GEMIN7: variants seen among roughly 807,000 people sequenced by gnomAD.
GEMIN7 encodes gem-associated protein 7.
GEMIN7 carries 7 observed loss-of-function variants against 7.8 expected under a neutral mutation model. The observed-to-expected ratio is 0.90, with a 90% CI of 0.51 to 1.69. The LOEUF is 1.69. Among genes scored for constraint, GEMIN7 ranks in the 40% most tolerant of loss-of-function variants. The pLI is 0.00. For missense variants in GEMIN7, 159 were observed against 176.2 expected (o/e 0.90, Z 0.55); for synonymous variants, 68 against 72.4 (o/e 0.94, Z 0.31).
chr19:45,082,891 G>A (rs1321703614), intron 2 of GEMIN7, among the ~76,000 whole-genome samples: 1 of 151,548 alleles, frequency 6.6e-6, no homozygotes, highest in Non-Finnish European at 1.5e-5. Context: ...AAGGTGCTGG[G>A]ATTATAGTTG....
At chr19:45,079,020 TCA>T (rs2122645652), upstream of GEMIN7, among the ~76,000 whole-genome samples, 1 of 152,250 alleles carries the variant, frequency 6.6e-6, no homozygotes, top group South Asian at 2.1e-4. Flanking sequence ...TCTCTGAACC[TCA>T]GTTTCTTCCT....
rs771267356 is a variant in GEMIN7, at chr19:45,090,420, C to G, written c.306C>G (p.Phe102Leu). Residue 102 changes from phenylalanine (F) to leucine (L), a missense_variant, in exon 3 of 3, where the codon TTC becomes TTG. By Grantham distance (22) the Phe-to-Leu change is conservative. Coordinates refer to ENST00000270257, the MANE Select transcript of GEMIN7 (RefSeq NM_024707.3). ...FGATDLDVANFYVSQLQTPIG... is the reference protein window; with the variant it reads ...FGATDLDVANLYVSQLQTPIG... ...CCACCGACCTGGATGTGGCCAACTTCTACGTGTCACAGCTGCAGACTCCCA... is the reference window on the plus strand; with the variant it reads ...CCACCGACCTGGATGTGGCCAACTTGTACGTGTCACAGCTGCAGACTCCCA... The G allele has an allele frequency of 6.2e-7, 1 of 1,614,150 alleles. No individual in the cohort carries two copies. The highest frequency in any genetic ancestry group is 2.2e-5 in the East Asian group (1 of 44,890).
chr19:45,076,046 G>A, upstream of GEMIN7: 8 of 1,575,334 alleles, frequency 5.1e-6, no homozygotes, highest in Non-Finnish European at 6.9e-6. This position sits in a 1 kb window ranked among gnomAD's most constrained non-coding sequence, Gnocchi z 4.9. Context: ...AAAGGTAAGG[G>A]AGGCTGGGCC....
At chr19:45,089,755 G>A (rs936431623) in intron 2 of GEMIN7, among the ~76,000 whole-genome samples, 1 of 152,164 alleles carries the variant, frequency 6.6e-6, no homozygotes, top group Non-Finnish European at 1.5e-5. Flanking sequence ...CAGCTTCAAA[G>A]TGATCCTCCT....
At position 45,090,540 on chromosome 19, in the gene GEMIN7, C is replaced by T; in HGVS notation, c.*30C>T. On this transcript the variant is annotated 3_prime_UTR_variant, in exon 3 of 3. Transcript: ENST00000270257. Reference sequence around the variant, plus strand: ...ATTGTGTTCACTTTTCTGCTTGAGGCTAAGGCACTGTATCCCAGGCCTCCC... The same window carrying T: ...ATTGTGTTCACTTTTCTGCTTGAGGTTAAGGCACTGTATCCCAGGCCTCCC... The T allele has an allele frequency of 4.4e-6, 7 of 1,577,336 alleles. No homozygotes were observed. In the South Asian group the frequency reaches 5.8e-5, roughly 13 times the overall value.
At chr19:45,082,251 C>A (rs888174276) in intron 2 of GEMIN7, among the ~76,000 whole-genome samples, 3 of 152,198 alleles carry the variant, frequency 2.0e-5, no homozygotes, top group Admixed American at 6.6e-5. Flanking sequence ...CCAAAGCCAC[C>A]CTTTCCATGA....
Position 45,089,169 on chromosome 19 carries a change from T to C in GEMIN7, c.-8-938T>C, listed in dbSNP as rs906085916. On this transcript the variant is annotated intron_variant, in intron 2 of 2. Transcript: ENST00000270257. Reference sequence around the variant, plus strand: ...GTTGACCAGGCTGGTCTCGAATTCCTGACCTCAAGTGATTCGCCCACCTTG... The same window carrying C: ...GTTGACCAGGCTGGTCTCGAATTCCCGACCTCAAGTGATTCGCCCACCTTG... Among the ~76,000 whole-genome samples the C allele has an allele frequency of 2.6e-5, 4 of 152,212 alleles. No individual in the cohort carries two copies. In the South Asian group the frequency reaches 8.3e-4, roughly 32 times the overall value.
chr19:45,079,165 C>G (rs1967416168), upstream of GEMIN7: 1 of 152,286 alleles, frequency 6.6e-6, no homozygotes, highest in Non-Finnish European at 1.5e-5. Flanking sequence ...CCCGCGACCA[C>G]GTGGGGCAGT....
upstream of GEMIN7, among the ~76,000 whole-genome samples, chr19:45,077,701 C>T (rs570667028): frequency 5.3e-5 from 8 of 152,138 alleles, no homozygotes; most frequent in South Asian, 1.2e-3. Context: ...CTAAAGTAGC[C>T]CCACCCTGCT....
chr19:45,084,609 T>C (rs1448245542), intron 2 of GEMIN7, among the ~76,000 whole-genome samples: 1 of 151,884 alleles, frequency 6.6e-6, no homozygotes, highest in Non-Finnish European at 1.5e-5. Context: ...GGAGTCCCAG[T>C]CTGTCACCCA....
At chr19:45,086,817 G>A (rs1033468234) in intron 2 of GEMIN7, among the ~76,000 whole-genome samples, 2 of 151,846 alleles carry the variant, frequency 1.3e-5, no homozygotes, top group Non-Finnish European at 2.9e-5. Flanking sequence ...AAACCGGCCT[G>A]GGATCTCCAC....
At chr19:45,077,711 T>A (rs533209968), upstream of GEMIN7, among the ~76,000 whole-genome samples, 1 of 152,270 alleles carries the variant, frequency 6.6e-6, no homozygotes, top group South Asian at 2.1e-4. Context: ...CCCACCCTGC[T>A]GAAGGCCTTG....
upstream of GEMIN7, chr19:45,076,388 G>A (rs1261542376): frequency 3.1e-6 from 4 of 1,270,166 alleles, no homozygotes; most frequent in African/African-American, 4.6e-5. The surrounding 1 kb of genome is among the most constrained non-coding windows in gnomAD (Gnocchi z 4.9). Flanking sequence ...CGCGGGCCGG[G>A]CGAGCGAGCG....
Position 45,080,766 on chromosome 19 carries a change from T to TTG in GEMIN7, c.-9+738_-9+739insGT, listed in dbSNP as rs1491452197. Among the ~76,000 whole-genome samples, 36 of 110,746 alleles carry TTG rather than the reference T, an allele frequency of 3.3e-4. 1 individual carries two copies. The highest frequency in any genetic ancestry group is 2.0e-5 in the Non-Finnish European group (1 of 48,962). 72.7% of individuals were successfully genotyped at this position (110,746 alleles called of 152,430 possible). A position where few individuals can be genotyped will look rare whatever the true frequency, so the allele number is the denominator to read the frequency against. ...ATGACCAAATCTCCCTTGTTTTTTG[T>TTG]TTTTTTTTTTTTTTTTCCTGATGGA... On this transcript the variant is annotated intron_variant, in intron 2 of 2. Coordinates refer to ENST00000270257, the MANE Select transcript of GEMIN7 (RefSeq NM_024707.3).
At position 45,090,755 on chromosome 19, in the gene GEMIN7, A is replaced by G. The variant is rs1967870408; in HGVS notation, c.*245A>G. 1 of 484,328 alleles carries G rather than the reference A, an allele frequency of 2.1e-6. No individual in the cohort carries two copies. Among genetic ancestry groups the G allele is most frequent in the African/African-American group, 1.9e-5 (1 of 51,734 alleles). 30.0% of individuals were successfully genotyped at this position (484,328 alleles called of 1,614,324 possible). On this transcript the variant is annotated 3_prime_UTR_variant, in exon 3 of 3. Transcript: ENST00000270257. ...TCACAGAACTCTGAACCCTACAGAA[A>G]TATGGGCCTGCTGCCATTTCCTGAA...
chr19:45,076,945 A>G (rs1464367565), upstream of GEMIN7: 2 of 152,258 alleles, frequency 1.3e-5, no homozygotes, highest in Non-Finnish European at 2.9e-5. The surrounding 1 kb of genome is among the most constrained non-coding windows in gnomAD (Gnocchi z 4.9). Context: ...GTGGGGGAAG[A>G]CACTATAAAC....
chr19:45,080,686 A>G (rs572149619), intron 2 of GEMIN7, among the ~76,000 whole-genome samples: 1 of 151,768 alleles, frequency 6.6e-6, no homozygotes, highest in African/African-American at 2.4e-5. Flanking sequence ...GCCCGAGGAA[A>G]GATTTGACCT....
chr19:45,082,554 T>C (rs896424658), intron 2 of GEMIN7, among the ~76,000 whole-genome samples: 3 of 152,082 alleles, frequency 2.0e-5, no homozygotes, highest in Non-Finnish European at 4.4e-5. Flanking sequence ...GACCGCCCAA[T>C]GTGGGTCATG....
At chr19:45,086,705 T>C (rs891508184) in intron 2 of GEMIN7, among the ~76,000 whole-genome samples, 1 of 152,190 alleles carries the variant, frequency 6.6e-6, no homozygotes, top group Admixed American at 6.5e-5. Context: ...AGGCCCTGTC[T>C]GGCAGGAGCC....
Sources: allele counts gnomAD v4.1 joint callset (sites outside exome capture counted in the v4.1 genomes callset), GRCh38; gene constraint gnomAD v4.1.1; non-coding constraint Gnocchi (gnomAD v3.1); transcripts MANE v1.5; gene names NCBI Gene and HGNC (gene_info 2026-07-23, HGNC 2026-07-21).